MYH11: variants seen among roughly 807,000 people sequenced by gnomAD.
The protein encoded by MYH11 is myosin heavy chain 11.
Under a neutral mutation model 246.6 loss-of-function variants are expected in MYH11, and 80 were observed. That is an observed-to-expected ratio of 0.32 (90% CI 0.27 to 0.39). MYH11 has a LOEUF of 0.39. Ranked by LOEUF, MYH11 falls within the 10% of genes least tolerant of loss-of-function variation. The pLI is 1.00. For missense variants in MYH11, 2,158 were observed against 2,546.8 expected (o/e 0.85, Z 3.29); for synonymous variants, 1,071 against 1,015.5 (o/e 1.05, Z -1.04).
chr16:15,745,143 T>G lies in MYH11; in HGVS notation c.2506A>C (p.Arg836=). ...YLKLRNWQWW[R]LFTKVKPLLQ... The stretch of plus-strand genomic sequence containing the variant: ...AGAGCACTCACTTTGGTGAAAAGCC[T>G]CCACCACTGCCAGTTCCGCAGCTTG... The change falls in exon 20 of 41, where the codon AGG becomes CGG. Residue 836 remains arginine (R), a synonymous_variant. Coordinates refer to ENST00000300036, the MANE Select transcript of MYH11 (RefSeq NM_002474.3). The G allele has an allele frequency of 6.2e-7, 1 of 1,614,060 alleles. No individual in the cohort carries two copies. Among genetic ancestry groups the G allele is most frequent in the South Asian group, 1.1e-5 (1 of 91,084 alleles).
Position 15,735,546 on chromosome 16 carries a change from G to T in MYH11, c.3326C>A (p.Ala1109Asp), listed in dbSNP as rs1046453819. 8.7e-6 allele frequency: 14 copies of T among 1,614,078 alleles called. No homozygotes were observed. The highest frequency in any genetic ancestry group is 3.3e-5 in the Admixed American group (2 of 59,984). The change falls in exon 26 of 41, where the codon GCC (alanine) becomes GAC (aspartate). Residue 1109 changes from alanine to aspartate, a missense_variant. Physicochemically the swap from Ala to Asp is moderately radical, Grantham distance 126. This residue lies in a region of MYH11 where 284 missense variants were observed against 315.4 expected (regional missense o/e 0.90). Transcript: ENST00000300036. ...CTCCAGCTCCCGGATCTTCTTCAGG[G>T]CATTGTTCTTCTGAGCGATTTCATC... Reference protein sequence around the residue: ...LDDEIAQKNNALKKIRELEGH... With the variant: ...LDDEIAQKNNDLKKIRELEGH...
intron 3 of MYH11, among the ~76,000 whole-genome samples, chr16:15,814,036 C>T (rs999488299): frequency 7.5e-4 from 114 of 151,824 alleles, no homozygotes; most frequent in African/African-American, 2.4e-3. Flanking sequence ...CCCAGCTACT[C>T]AGGAGGCTGA....
At chr16:15,774,014 A>G (rs2042165312) in intron 8 of MYH11, among the ~76,000 whole-genome samples, 1 of 152,038 alleles carries the variant, frequency 6.6e-6, no homozygotes, top group Non-Finnish European at 1.5e-5. Context: ...TTTAATTAGG[A>G]TGGATTCGGT....
intron 40 of MYH11, among the ~76,000 whole-genome samples, chr16:15,706,536 C>T (rs1044849868): frequency 1.3e-5 from 2 of 152,158 alleles, no homozygotes; most frequent in South Asian, 2.1e-4. Context: ...GGTGAAACCC[C>T]GTCTCTACTA....
chr16:15,850,900 GAAAAAAA>G (rs144808306), intron 1 of MYH11, among the ~76,000 whole-genome samples: 2,365 of 150,862 alleles, frequency 0.016, 62 homozygotes, highest in African/African-American at 0.052. Flanking sequence ...ATCTCAAAAA[GAAAAAAA>G]AGAAAAAAGA....
chr16:15,776,734 G>C lies in MYH11; in HGVS notation c.791-558C>G, dbSNP rs1256868356. 2.0e-5 allele frequency among the ~76,000 whole-genome samples: 3 copies of C among 152,228 alleles called. No individual in the cohort carries two copies. The East Asian group carries it at 5.8e-4, about 29-fold the overall frequency. ...CTGTCTTCCATGCCCTCTGTTCCAAGAGTGGGGTCTGACGGGATGGAGGCG... is the reference window on the plus strand; with the variant it reads ...CTGTCTTCCATGCCCTCTGTTCCAACAGTGGGGTCTGACGGGATGGAGGCG... On this transcript the variant is annotated intron_variant, in intron 7 of 40. Coordinates refer to ENST00000300036, the MANE Select transcript of MYH11 (RefSeq NM_002474.3).
At position 15,719,727 on chromosome 16, in the gene MYH11, CAGGG is replaced by C. The variant is rs766943222; in HGVS notation, c.4954-18_4954-15del. ...CTTCATCTGAGCCTGCATGAGTCAA[CAGGG>C]AGGACAAGCTCAGATGTCCTTACTC... is the stretch of plus-strand genomic sequence containing the variant. On this transcript the variant is annotated splice_polypyrimidine_tract_variant and intron_variant, in intron 34 of 40. Transcript: ENST00000300036. 5.1e-5 allele frequency: 83 copies of C among 1,614,100 alleles called. No homozygotes were observed. Among genetic ancestry groups the C allele is most frequent in the Admixed American group, 2.0e-4 (12 of 60,028 alleles).
At chr16:15,749,971 C>T (rs2041520180) in intron 16 of MYH11, 167 bp downstream of exon 16, 1 of 842,038 alleles carries the variant, frequency 1.2e-6, no homozygotes, top group South Asian at 1.7e-5. Flanking sequence ...CTCCCTTCCT[C>T]CTTTTCCTCC....
chr16:15,723,112 T>A (rs2040571300), intron 31 of MYH11, among the ~76,000 whole-genome samples: 1 of 152,238 alleles, frequency 6.6e-6, no homozygotes, highest in Non-Finnish European at 1.5e-5. Context: ...AATAATAATG[T>A]ATCTTAAAAG....
chr16:15,749,999 C>T (rs746346263), intron 16 of MYH11, 139 bp downstream of exon 16: 13 of 1,066,120 alleles, frequency 1.2e-5, no homozygotes, highest in Non-Finnish European at 1.7e-5. Flanking sequence ...GGGAATGGGT[C>T]TGAGATTCAG....
At chr16:15,842,185 G>A (rs968502226) in intron 1 of MYH11, among the ~76,000 whole-genome samples, 4 of 152,118 alleles carry the variant, frequency 2.6e-5, no homozygotes, top group Admixed American at 6.6e-5. Context: ...TCAGGAGTTC[G>A]AGACCAGCCT....
At chr16:15,758,880 C>T (rs1171162673) in intron 12 of MYH11, among the ~76,000 whole-genome samples, 2 of 151,006 alleles carry the variant, frequency 1.3e-5, no homozygotes, top group East Asian at 1.9e-4. Flanking sequence ...AAGAGAATTG[C>T]TTGAACCCAG....
At chr16:15,826,744 T>C (rs216165) in intron 2 of MYH11, among the ~76,000 whole-genome samples, 39,595 of 151,594 alleles carry the variant, frequency 0.26, 6,313 homozygotes, top group African/African-American at 0.46. Flanking sequence ...ATGATCCCAG[T>C]ACTTTGGGAG....
chr16:15,714,957 C>T lies in MYH11; in HGVS notation c.5738G>A (p.Ser1913Asn). ...CACCTCGCGGCCCATGGCCTCGTTG[C>T]TCTCCGTGGCCTCATCCAGCTCCCG... Reference protein sequence around the residue: ...LQRELDEATESNEAMGREVNA... With the variant: ...LQRELDEATENNEAMGREVNA... The change falls in exon 40 of 41, where the codon AGC becomes AAC. Residue 1913 changes from serine to asparagine, a missense_variant. Ser to Asn is a conservative substitution (Grantham distance 46). Around this residue, in one of 11 missense-constraint regions of MYH11, gnomAD observed 1,013 missense variants for 993.5 expected, o/e 1.02. Transcript: ENST00000300036. 1 of 1,614,142 alleles carries T rather than the reference C, an allele frequency of 6.2e-7. No homozygotes were observed. Among genetic ancestry groups the T allele is most frequent in the Non-Finnish European group, 8.5e-7 (1 of 1,180,048 alleles).
chr16:15,786,375 T>A, intron 5 of MYH11: 3 of 654,740 alleles, frequency 4.6e-6, no homozygotes, highest in Non-Finnish European at 8.4e-6. Context: ...AAGATCTCGC[T>A]ATGGAAGGAA....
chr16:15,758,502 C>G (rs1596791631), intron 12 of MYH11, among the ~76,000 whole-genome samples: 1 of 151,894 alleles, frequency 6.6e-6, no homozygotes, highest in Non-Finnish European at 1.5e-5. Flanking sequence ...AAACCTCTCT[C>G]CACTAAAAAT....
intron 1 of MYH11, among the ~76,000 whole-genome samples, chr16:15,839,079 G>A (rs1024707043): frequency 4.6e-5 from 7 of 151,716 alleles, no homozygotes; most frequent in South Asian, 4.2e-4. Flanking sequence ...GCATGGTAGC[G>A]CACACCTGTA....
chr16:15,716,846 C>A (rs1408752540), intron 38 of MYH11, among the ~76,000 whole-genome samples: 3 of 152,158 alleles, frequency 2.0e-5, no homozygotes, highest in African/African-American at 7.2e-5. Flanking sequence ...GCATGCTATC[C>A]CTGCAGAGGC....
chr16:15,788,159 G>A (rs1180406061), intron 4 of MYH11, among the ~76,000 whole-genome samples: 1 of 135,830 alleles, frequency 7.4e-6, no homozygotes. Flanking sequence ...CAATGGAACC[G>A]CTCCATCCAG....
Sources: allele counts gnomAD v4.1 joint callset (sites outside exome capture counted in the v4.1 genomes callset), GRCh38; gene constraint gnomAD v4.1.1; regional missense constraint gnomAD v4.1.1; transcripts MANE v1.5; gene names NCBI Gene and HGNC (gene_info 2026-07-23, HGNC 2026-07-21).